The following BNC2 variants were observed in gnomAD, a reference collection of about 807,000 sequenced individuals.
BNC2 encodes the protein basonuclin zinc finger protein 2, also known as zinc finger protein basonuclin-2.
A neutral mutation model predicts 76.3 loss-of-function variants in BNC2; 20 were observed. The ratio of observed to expected loss-of-function variants is 0.26; its 90% CI spans 0.18 to 0.38. The LOEUF (loss-of-function observed/expected upper bound fraction) is 0.38, where lower values mean the gene tolerates loss of function less well. Among genes scored for constraint, BNC2 ranks in the 10% least tolerant of loss-of-function variants. The probability of loss-of-function intolerance (pLI) is 1.00; values close to 1 mark genes in which losing one functional copy is unlikely to be tolerated. For synonymous variants in BNC2, 582 were observed against 514.8 expected (o/e 1.13, Z -1.77); for missense variants, 1,382 against 1,399.8 (o/e 0.99, Z 0.20).
At position 16,616,235 on chromosome 9, in the gene BNC2, T is replaced by C. The variant is rs115826935; in HGVS notation, c.331-33150A>G. Among the ~76,000 whole-genome samples, 1,169 of 151,634 alleles carry C rather than the reference T, an allele frequency of 7.7e-3. 17 individuals are homozygous for C. Among genetic ancestry groups the C allele is most frequent in the African/African-American group, 0.027 (1,104 of 41,302 alleles). Reference sequence around the variant, plus strand: ...GACACTGTCTCTACATAATAAAAAATAAATAAATTAGGTGGGCCTGGTAGT... The same window carrying C: ...GACACTGTCTCTACATAATAAAAAACAAATAAATTAGGTGGGCCTGGTAGT... On this transcript the variant is annotated intron_variant, in intron 3 of 6. Coordinates refer to ENST00000380672, the MANE Select transcript of BNC2 (RefSeq NM_017637.6).
chr9:16,699,608 A>C (rs747910143), intron 3 of BNC2, among the ~76,000 whole-genome samples: 1 of 152,254 alleles, frequency 6.6e-6, no homozygotes, highest in African/African-American at 2.4e-5. Context: ...TGCAAACTGC[A>C]TAAGACTAGC....
intron 5 of BNC2, among the ~76,000 whole-genome samples, chr9:16,551,037 C>T (rs985804137): frequency 2.0e-5 from 3 of 152,178 alleles, no homozygotes; most frequent in Non-Finnish European, 4.4e-5. Flanking sequence ...CTTGTTCCCC[C>T]TCATGCCCCC....
intron 3 of BNC2, among the ~76,000 whole-genome samples, chr9:16,605,380 G>T (rs1224737504): frequency 6.6e-6 from 1 of 152,208 alleles, no homozygotes; most frequent in Non-Finnish European, 1.5e-5. Flanking sequence ...TCTTAGGAGG[G>T]TATCACGCTA....
chr9:16,651,555 G>A (rs540007364), intron 3 of BNC2, among the ~76,000 whole-genome samples: 1 of 152,280 alleles, frequency 6.6e-6, no homozygotes, highest in East Asian at 1.9e-4. Context: ...GCTGATCATG[G>A]CTGGGAGCTC....
chr9:16,543,571 T>C (rs1412624982), intron 5 of BNC2, among the ~76,000 whole-genome samples: 2 of 152,224 alleles, frequency 1.3e-5, no homozygotes, highest in African/African-American at 2.4e-5. Flanking sequence ...CGGCAGTCAC[T>C]GCATTCCATC....
At chr9:16,823,752 G>C (rs1411235742) in intron 1 of BNC2, among the ~76,000 whole-genome samples, 1 of 151,994 alleles carries the variant, frequency 6.6e-6, no homozygotes, top group Non-Finnish European at 1.5e-5. Context: ...GGTGATCTTT[G>C]ACTACCCAGA....
At chr9:16,623,556 C>T (rs936529005) in intron 3 of BNC2, among the ~76,000 whole-genome samples, 13 of 152,074 alleles carry the variant, frequency 8.5e-5, no homozygotes, top group African/African-American at 3.1e-4. Context: ...GCAATTCAGT[C>T]GACTATTTAA....
chr9:16,433,544 T>C (rs1820945897), intron 6 of BNC2, among the ~76,000 whole-genome samples: 1 of 152,156 alleles, frequency 6.6e-6, no homozygotes, highest in Non-Finnish European at 1.5e-5. Flanking sequence ...ATACCTACAA[T>C]AAAAATGAAG....
intron 3 of BNC2, among the ~76,000 whole-genome samples, chr9:16,618,060 C>A (rs1284810447): frequency 6.6e-6 from 1 of 152,194 alleles, no homozygotes; most frequent in African/African-American, 2.4e-5. Flanking sequence ...ACTTTCGGGG[C>A]TACCTATTCT....
At chr9:16,492,721 AT>A (rs59536317) in intron 5 of BNC2, among the ~76,000 whole-genome samples, 3,132 of 140,122 alleles carry the variant, frequency 0.022, 105 homozygotes, top group African/African-American at 0.071. Context: ...AGGCCTGCCC[AT>A]TTTTTTTTTT....
Position 16,727,911 on chromosome 9 carries a change from G to T in BNC2, c.216C>A (p.Asp72Glu). Residue 72 changes from aspartate (D) to glutamate (E), a missense_variant, in exon 3 of 7, where the codon GAC becomes GAA. Transcript: ENST00000380672. ...PKRARDLTLR[D>E]SCTDNSMQFG... is the part of the protein sequence containing the mutation. ...ACTGCATGGAGTTGTCAGTACAGGA[G>T]TCTCTTAAAGTCAAGTCTCTTGCCC... is the stretch of plus-strand genomic sequence containing the variant. 1 of 1,614,188 alleles carries T rather than the reference G, an allele frequency of 6.2e-7. No individual in the cohort carries two copies. Among genetic ancestry groups the T allele is most frequent in the African/African-American group, 1.3e-5 (1 of 75,042 alleles).
At chr9:16,705,780 A>C (rs748087196) in intron 3 of BNC2, among the ~76,000 whole-genome samples, 1 of 152,240 alleles carries the variant, frequency 6.6e-6, no homozygotes, top group African/African-American at 2.4e-5. Context: ...CAAAGGTGCC[A>C]GTTCTTTCAC....
intron 3 of BNC2, among the ~76,000 whole-genome samples, chr9:16,712,703 G>C (rs966929162): frequency 6.6e-6 from 1 of 152,134 alleles, no homozygotes; most frequent in Non-Finnish European, 1.5e-5. Flanking sequence ...ATACACTTGA[G>C]ACAGCTTGTA....
At chr9:16,715,775 A>G (rs747692782) in intron 3 of BNC2, among the ~76,000 whole-genome samples, 1 of 152,124 alleles carries the variant, frequency 6.6e-6, no homozygotes, top group Non-Finnish European at 1.5e-5. Flanking sequence ...TACTTGTTTT[A>G]ATTTTTGTTA....
intron 1 of BNC2, among the ~76,000 whole-genome samples, chr9:16,808,634 G>GT (rs1817971769): frequency 6.6e-6 from 1 of 151,606 alleles, no homozygotes; most frequent in African/African-American, 2.4e-5. Flanking sequence ...GACTACAGGC[G>GT]TATGTGACCA....
intron 3 of BNC2, among the ~76,000 whole-genome samples, chr9:16,664,704 C>CA (rs60928607): frequency 0.021 from 3,096 of 147,672 alleles, 103 homozygotes; most frequent in African/African-American, 0.07. Flanking sequence ...AAAACAAAAA[C>CA]AAAAAAAACA....
intron 1 of BNC2, 148 bp from the exon 2 acceptor site, chr9:16,738,633 G>A (rs1021463479): frequency 4.6e-6 from 4 of 871,578 alleles, no homozygotes; most frequent in Admixed American, 2.5e-5. Context: ...TTCTAAGGCT[G>A]ATAGTAGCCA....
At chr9:16,456,825 GT>G (rs569899907) in intron 5 of BNC2, among the ~76,000 whole-genome samples, 13 of 152,100 alleles carry the variant, frequency 8.5e-5, no homozygotes, top group African/African-American at 3.1e-4. Flanking sequence ...GTGGAATATT[GT>G]AAAAAACATC....
rs922249879 is a variant in BNC2 at position 16,418,664 on chromosome 9, C to G, written c.*325G>C. 7.4e-5 allele frequency: 16 copies of G among 214,860 alleles called. No homozygotes were observed. The highest frequency in any genetic ancestry group is 1.6e-3 in the Middle Eastern group (1 of 608). The allele number at this position is 214,860 out of a possible 1,614,324, so 13.3% of individuals were successfully genotyped here. ...TGTCAAAACTGGGGCTAGTTGCACA[C>G]TGTGTGTGTGTGTGTGTGTGTGTGT... On this transcript the variant is annotated 3_prime_UTR_variant, in exon 7 of 7. Transcript: ENST00000380672.
Sources: gnomAD v4.1 joint callset for allele counts (sites outside exome capture counted in the v4.1 genomes callset) on GRCh38, gnomAD v4.1.1 for gene constraint, MANE v1.5 for transcripts, NCBI Gene and HGNC (gene_info 2026-07-23, HGNC 2026-07-21) for gene names.